The following PTPRT variants were observed in gnomAD, a reference collection of about 807,000 sequenced individuals.
PTPRT encodes the protein receptor-type tyrosine-protein phosphatase T.
A neutral mutation model predicts 176.8 loss-of-function variants in PTPRT; 56 were observed. The observed-to-expected ratio is 0.32, with a 90% CI of 0.26 to 0.40. The LOEUF (loss-of-function observed/expected upper bound fraction) is 0.40. PTPRT is among the 10% of genes least tolerant of loss of function. PTPRT has a pLI of 1.00. For synonymous variants in PTPRT, 783 were observed against 739.0 expected (o/e 1.06, Z -0.96); for missense variants, 1,540 against 1,908.2 (o/e 0.81, Z 3.60).
chr20:42,071,627 T>C (rs1174771054), downstream of PTPRT, among the ~76,000 whole-genome samples: 2 of 152,190 alleles, frequency 1.3e-5, no homozygotes, highest in East Asian at 3.9e-4. Context: ...ACTGGTTTCA[T>C]ACCTAAGCTC....
At chr20:42,427,482 T>C (rs1309984983) in intron 9 of PTPRT, among the ~76,000 whole-genome samples, 1 of 150,910 alleles carries the variant, frequency 6.6e-6, no homozygotes, top group East Asian at 1.9e-4. Flanking sequence ...ATTCAGTGTC[T>C]AGTGAGGTTT....
intron 12 of PTPRT, 83 bp from the exon 13 acceptor site, chr20:42,282,608 T>G (rs2057159243): frequency 9.2e-7 from 1 of 1,084,180 alleles, no homozygotes; most frequent in Admixed American, 2.1e-5. Flanking sequence ...TACATATATA[T>G]TTGCATATAT....
chr20:43,164,173 T>C (rs2014790737), intron 1 of PTPRT, among the ~76,000 whole-genome samples: 2 of 152,268 alleles, frequency 1.3e-5, no homozygotes, highest in East Asian at 1.9e-4. Flanking sequence ...TTACTGAAAA[T>C]ACAATTCATG....
intron 11 of PTPRT, among the ~76,000 whole-genome samples, chr20:42,329,831 A>G (rs749641499): frequency 1.1e-4 from 16 of 152,222 alleles, no homozygotes; most frequent in Non-Finnish European, 1.8e-4. Context: ...TAACTTAAAC[A>G]TCATTTAAAA....
At chr20:42,504,462 TAAAC>T (rs536029082) in intron 7 of PTPRT, among the ~76,000 whole-genome samples, 4 of 152,292 alleles carry the variant, frequency 2.6e-5, no homozygotes, top group South Asian at 4.1e-4. Context: ...ACTTTCAGAA[TAAAC>T]AAACATTTTA....
At chr20:42,278,952 G>T (rs1029847579) in intron 13 of PTPRT, among the ~76,000 whole-genome samples, 9 of 152,052 alleles carry the variant, frequency 5.9e-5, no homozygotes, top group Non-Finnish European at 1.3e-4. Context: ...TCTTCCAAAG[G>T]TATGGTTCTA....
chr20:42,979,982 A>AGGGGGGGGGGGGGGGGG (rs1180055689), intron 1 of PTPRT, among the ~76,000 whole-genome samples: 1 of 9,470 alleles, frequency 1.1e-4, no homozygotes, highest in Admixed American at 1.4e-3. Flanking sequence ...CCGGCCGGGA[A>AGGGGGGGGGGGGGGGGG]GGGGGGGTGG....
intron 7 of PTPRT, among the ~76,000 whole-genome samples, chr20:42,575,283 C>T (rs555227586): frequency 2.0e-5 from 3 of 152,094 alleles, no homozygotes; most frequent in Admixed American, 1.3e-4. Context: ...TTGGAAGGAC[C>T]GTCAAGTGTT....
intron 7 of PTPRT, among the ~76,000 whole-genome samples, chr20:42,563,068 C>T (rs1434814013): frequency 6.6e-6 from 1 of 152,094 alleles, no homozygotes; most frequent in Non-Finnish European, 1.5e-5. Flanking sequence ...AAATTAAAAA[C>T]ATCTCTATAT....
intron 9 of PTPRT, among the ~76,000 whole-genome samples, chr20:42,380,558 T>C (rs1362942249): frequency 6.6e-6 from 1 of 152,084 alleles, no homozygotes; most frequent in African/African-American, 2.4e-5. Flanking sequence ...CCAATCGGAA[T>C]GGGGAAGATG....
At chr20:42,588,954 G>C (rs2073520431) in intron 7 of PTPRT, among the ~76,000 whole-genome samples, 1 of 152,182 alleles carries the variant, frequency 6.6e-6, no homozygotes, top group Non-Finnish European at 1.5e-5. Context: ...CCAAGGTAAA[G>C]AGCCAGTAAA....
Position 42,677,033 on chromosome 20 carries a change from T to C in PTPRT, c.1153+833A>G, listed in dbSNP as rs2075516570. Among the ~76,000 whole-genome samples the C allele has an allele frequency of 2.0e-5, 3 of 152,066 alleles. No individual in the cohort carries two copies. In the South Asian group the frequency reaches 6.2e-4, roughly 32 times the overall value. On this transcript the variant is annotated intron_variant, in intron 7 of 30. Transcript: ENST00000373187. ...AGTAACCCATAGAGATAGAGTGGAATCCAGAGGACCTTCAGAGGAATAGTC... is the reference window on the plus strand; with the variant it reads ...AGTAACCCATAGAGATAGAGTGGAACCCAGAGGACCTTCAGAGGAATAGTC...
intron 9 of PTPRT, among the ~76,000 whole-genome samples, chr20:42,383,448 C>T (rs1014219357): frequency 6.6e-6 from 1 of 151,810 alleles, no homozygotes; most frequent in Non-Finnish European, 1.5e-5. Context: ...TTTGAATGGA[C>T]CAACCTGGCT....
intron 7 of PTPRT, among the ~76,000 whole-genome samples, chr20:42,585,902 T>C (rs2073462557): frequency 6.6e-6 from 1 of 152,138 alleles, no homozygotes; most frequent in African/African-American, 2.4e-5. Context: ...TGTAACATAT[T>C]GACATATATA....
At chr20:42,946,640 G>A (rs1484372939) in intron 1 of PTPRT, among the ~76,000 whole-genome samples, 1 of 152,102 alleles carries the variant, frequency 6.6e-6, no homozygotes, top group Non-Finnish European at 1.5e-5. Context: ...TTCAGTCTCA[G>A]CACAAAACAC....
chr20:42,296,562 A>G (rs910809606), intron 12 of PTPRT, among the ~76,000 whole-genome samples: 4 of 152,190 alleles, frequency 2.6e-5, no homozygotes, highest in Non-Finnish European at 5.9e-5. Context: ...AAGAAAGCAC[A>G]CCAGAAAGTA....
intron 19 of PTPRT, 33 bp from the exon 20 acceptor site, chr20:42,120,004 C>T: frequency 5.7e-6 from 9 of 1,591,246 alleles, no homozygotes; most frequent in Non-Finnish European, 7.7e-6. Context: ...TGTGAAGAGT[C>T]TGTTGTCAAA....
At chr20:42,963,193 C>T (rs1367293193) in intron 1 of PTPRT, among the ~76,000 whole-genome samples, 4 of 148,708 alleles carry the variant, frequency 2.7e-5, no homozygotes, top group Non-Finnish European at 6.0e-5. Flanking sequence ...AGCAAGACTC[C>T]GTCTCAAAAA....
chr20:43,012,920 C>T (rs1043056108), intron 1 of PTPRT, among the ~76,000 whole-genome samples: 1 of 151,952 alleles, frequency 6.6e-6, no homozygotes, highest in Non-Finnish European at 1.5e-5. Flanking sequence ...AACTTTCTTG[C>T]CCTCACCTGC....
Sources: gnomAD v4.1 joint callset for allele counts (sites outside exome capture counted in the v4.1 genomes callset) on GRCh38, gnomAD v4.1.1 for gene constraint, MANE v1.5 for transcripts, NCBI Gene and HGNC (gene_info 2026-07-23, HGNC 2026-07-21) for gene names.